Variants in ZNF236 observed in about 807,000 individuals in gnomAD.
The protein encoded by ZNF236 is regulated by glucose.
Under a neutral mutation model 191.2 loss-of-function variants are expected in ZNF236, and 50 were observed. That is an observed-to-expected ratio of 0.26 (90% confidence interval 0.21 to 0.33). The LOEUF (loss-of-function observed/expected upper bound fraction) is 0.33. Among genes scored for constraint, ZNF236 ranks in the 10% least tolerant of loss-of-function variants. The pLI, the probability that ZNF236 is intolerant of heterozygous loss-of-function variation, is 1.00. For synonymous variants in ZNF236, 907 were observed against 928.8 expected (o/e 0.98, Z 0.43); for missense variants, 1,754 against 2,374.5 (o/e 0.74, Z 5.43).
rs748311489 is a variant in ZNF236, at chr18:76,937,360, G to C, written c.4782+17G>C. ...ACCTCTCAGGCAAGTGCTCCTCAGA[G>C]AGGGATGCGAAGGTCCTTTCAAAAA... On this transcript the variant is annotated intron_variant, in intron 26 of 30. Transcript: ENST00000320610. 7 of 1,573,978 alleles carry C rather than the reference G, an allele frequency of 4.4e-6. No individual in the cohort carries two copies. The highest frequency in any genetic ancestry group is 1.7e-5 in the Admixed American group (1 of 58,620).
intron 1 of ZNF236, among the ~76,000 whole-genome samples, chr18:76,823,853 G>T (rs1245197605): frequency 1.3e-5 from 2 of 152,180 alleles, no homozygotes; most frequent in African/African-American, 4.8e-5. Context: ...TTTTTCTCGC[G>T]GGCGCCGTGG....
In ZNF236 at chr18:76,925,634, A is replaced by G; in HGVS notation, c.4027+80A>G. 6.6e-7 allele frequency: 1 copy of G among 1,520,526 alleles called. No homozygotes were observed. Among genetic ancestry groups the G allele is most frequent in the South Asian group, 1.3e-5 (1 of 79,104 alleles). The allele number at this position is 1,520,526 out of a possible 1,614,324, so 94.2% of individuals were successfully genotyped here. A position where few individuals can be genotyped will look rare whatever the true frequency, so the allele number is the denominator to read the frequency against. On this transcript the variant is annotated intron_variant, in intron 22 of 30. Coordinates refer to ENST00000320610, the MANE Select transcript of ZNF236 (RefSeq NM_001306089.2). This position sits in a 1 kb window ranked among gnomAD's most constrained non-coding sequence, Gnocchi z 5.7. ...TGCTTCTGTCTGTTCCCACGACAGA[A>G]GAGATGTTGTTTACCGTAGCACCAC...
At chr18:76,934,643 A>G (rs1233048916) in intron 25 of ZNF236, among the ~76,000 whole-genome samples, 3 of 152,242 alleles carry the variant, frequency 2.0e-5, no homozygotes, top group Admixed American at 6.5e-5. Context: ...AAATAGTTCA[A>G]CAATTTAACA....
intron 1 of ZNF236, among the ~76,000 whole-genome samples, chr18:76,823,746 A>G (rs1695064766): frequency 6.6e-6 from 1 of 152,088 alleles, no homozygotes; most frequent in Non-Finnish European, 1.5e-5. Context: ...CCCAGCCCGG[A>G]GCTTGAGGAA....
rs34203011 is a variant in ZNF236 at position 76,900,352 on chromosome 18, CAATT to C, written c.1894+1132_1894+1135del. On this transcript the variant is annotated intron_variant, in intron 11 of 30. Coordinates refer to ENST00000320610, the MANE Select transcript of ZNF236 (RefSeq NM_001306089.2). ...ATTCTCAAGTGCAGTGAAAGATCCT[CAATT>C]AGACAGGTCAACTTAAACACCTTAA... Among the ~76,000 whole-genome samples, 797 of 152,236 alleles carry C rather than the reference CAATT, an allele frequency of 5.2e-3. 7 individuals are homozygous for C. The highest frequency in any genetic ancestry group is 0.018 in the African/African-American group (741 of 41,534).
rs1041730933 is a variant in ZNF236 at position 76,925,743 on chromosome 18, G to C, written c.4027+189G>C. Among the ~76,000 whole-genome samples, 2 of 152,102 alleles carry C rather than the reference G, an allele frequency of 1.3e-5. No individual in the cohort carries two copies. The highest frequency in any genetic ancestry group is 1.3e-4 in the Admixed American group (2 of 15,276). On this transcript the variant is annotated intron_variant, in intron 22 of 30. Transcript: ENST00000320610. The surrounding 1 kb of genome is among the most constrained non-coding windows in gnomAD (Gnocchi z 5.7). ...TGCAGACATTGCTCCTTTCCATTTC[G>C]CATTCTGTCTTCCATGCCAGCTGCT...
intron 1 of ZNF236, among the ~76,000 whole-genome samples, chr18:76,827,747 G>A (rs988333831): frequency 3.9e-5 from 6 of 152,222 alleles, no homozygotes; most frequent in Non-Finnish European, 5.9e-5. Context: ...CACAGGCATC[G>A]ATGGGGCAGC....
At chr18:76,883,080 C>T (rs1429507297) in intron 9 of ZNF236, among the ~76,000 whole-genome samples, 3 of 152,202 alleles carry the variant, frequency 2.0e-5, no homozygotes, top group Non-Finnish European at 4.4e-5. Context: ...AAGGTGAGCA[C>T]CACCCCGTGC....
intron 9 of ZNF236, among the ~76,000 whole-genome samples, chr18:76,890,082 C>G (rs1402213974): frequency 6.6e-6 from 1 of 152,160 alleles, no homozygotes; most frequent in Non-Finnish European, 1.5e-5. Flanking sequence ...CACACATGTA[C>G]GTTTATCTGT....
chr18:76,915,289 G>T (rs1568227887), intron 18 of ZNF236, among the ~76,000 whole-genome samples: 1 of 152,168 alleles, frequency 6.6e-6, no homozygotes, highest in African/African-American at 2.4e-5. Context: ...CATTTCTGGG[G>T]TAGAATCCAC....
In ZNF236 at chr18:76,919,700, T is replaced by C. The variant is rs1967479312; in HGVS notation, c.3275-76T>C. On this transcript the variant is annotated intron_variant, in intron 19 of 30. Transcript: ENST00000320610. The surrounding 1 kb of genome is among the most constrained non-coding windows in gnomAD (Gnocchi z 5.3). Reference sequence around the variant, plus strand: ...TAATTTTCATTACATACATACCTATTTAGTTTTAATTGTTTTGCTAAAAAC... The same window carrying C: ...TAATTTTCATTACATACATACCTATCTAGTTTTAATTGTTTTGCTAAAAAC... The C allele has an allele frequency of 5.3e-6, 8 of 1,521,632 alleles. No homozygotes were observed. Among genetic ancestry groups the C allele is most frequent in the Non-Finnish European group, 7.2e-6 (8 of 1,112,018 alleles). The allele number at this position is 1,521,632 out of a possible 1,614,324, so 94.3% of individuals were successfully genotyped here. A position where few individuals can be genotyped will look rare whatever the true frequency, so the allele number is the denominator to read the frequency against.
rs913614636 is a variant in ZNF236, at chr18:76,875,799, T to C, written c.840+135T>C. ...ATTTTGTGCCGAGCAGACCCTGTTT[T>C]AAAAAATACATACGTGGGAATTTTT... On this transcript the variant is annotated intron_variant, in intron 6 of 30. Transcript: ENST00000320610. The surrounding 1 kb of genome is among the most constrained non-coding windows in gnomAD (Gnocchi z 4.3). 4.2e-6 allele frequency: 4 copies of C among 963,204 alleles called. No individual in the cohort carries two copies. In the African/African-American group the frequency reaches 6.7e-5, roughly 16 times the overall value. The allele number at this position is 963,204 out of a possible 1,614,324, so 59.7% of individuals were successfully genotyped here.
At chr18:76,934,455 G>GTAT (rs1298805034) in intron 25 of ZNF236, among the ~76,000 whole-genome samples, 1 of 152,212 alleles carries the variant, frequency 6.6e-6, no homozygotes, top group Non-Finnish European at 1.5e-5. Flanking sequence ...TCTCAAATGA[G>GTAT]TATTATCTTT....
At chr18:76,824,372 G>A in intron 1 of ZNF236, 1 of 781,100 alleles carries the variant, frequency 1.3e-6, no homozygotes, top group South Asian at 1.3e-5. Context: ...GCCTTTGTGG[G>A]CTGCTGGAGA....
In ZNF236 at chr18:76,849,527, T is replaced by C. The variant is rs1276364817; in HGVS notation, c.57T>C (p.Asp19=). 8.7e-6 allele frequency: 14 copies of C among 1,603,268 alleles called. No homozygotes were observed. The highest frequency in any genetic ancestry group is 1.2e-5 in the Non-Finnish European group (14 of 1,176,874). Residue 19 remains aspartate (D), a splice_region_variant and synonymous_variant, in exon 2 of 31, where the codon GAT becomes GAC. Transcript: ENST00000320610. Reference sequence around the variant, plus strand: ...GTCTATACTTATGCAATTTTATAGATGGAGTTTTAACATTGAATGCGGAGA... The same window carrying C: ...GTCTATACTTATGCAATTTTATAGACGGAGTTTTAACATTGAATGCGGAGA... ...PRESKARGDS[D]GVLTLNAENT...
At chr18:76,840,900 A>C (rs2122454421) in intron 1 of ZNF236, 1 of 147,616 alleles carries the variant, frequency 6.8e-6, no homozygotes, top group African/African-American at 2.5e-5. Context: ...GGCTCACTGC[A>C]ACCTCCACCT....
intron 3 of ZNF236, among the ~76,000 whole-genome samples, chr18:76,853,591 C>G (rs1975947001): frequency 6.6e-6 from 1 of 151,998 alleles, no homozygotes; most frequent in African/African-American, 2.4e-5. Flanking sequence ...TTACCAGAGG[C>G]TGGGGGATAG....
chr18:76,895,789 T>C (rs886838040), intron 10 of ZNF236, among the ~76,000 whole-genome samples: 5 of 144,546 alleles, frequency 3.5e-5, no homozygotes, highest in Non-Finnish European at 6.0e-5. Context: ...CTGCACATAG[T>C]ACCCAGCACA....
Position 76,899,121 on chromosome 18 carries a change from A to G in ZNF236, c.1793A>G (p.Lys598Arg), listed in dbSNP as rs1977516092. Residue 598 changes from lysine (K) to arginine (R), a missense_variant, in exon 11 of 31, where the codon AAA becomes AGA. Physicochemically the swap from Lys to Arg is conservative, Grantham distance 26. Coordinates refer to ENST00000320610, the MANE Select transcript of ZNF236 (RefSeq NM_001306089.2). ...CACTTTAAACATACGGAATTAAGGA[A>G]AATGAGGCACCAGCGTAAACCTGCA... ...ASHFKHTELR[K>R]MRHQRKPAKV... The G allele has an allele frequency of 6.2e-7, 1 of 1,614,098 alleles. No homozygotes were observed. Among genetic ancestry groups the G allele is most frequent in the African/African-American group, 1.3e-5 (1 of 74,950 alleles).
Sources: allele counts gnomAD v4.1 joint callset (sites outside exome capture counted in the v4.1 genomes callset), GRCh38; gene constraint gnomAD v4.1.1; non-coding constraint Gnocchi (gnomAD v3.1); transcripts MANE v1.5; gene names NCBI Gene and HGNC (gene_info 2026-07-23, HGNC 2026-07-21).